The following NXPH1 variants were observed in gnomAD, a reference collection of about 807,000 sequenced individuals.
The protein encoded by NXPH1 is neurexophilin-1.
In NXPH1, 5 loss-of-function variants were observed where a neutral mutation model predicts 23.7. The observed-to-expected ratio is 0.21, with a 90% CI of 0.11 to 0.44. The LOEUF is 0.44. NXPH1 is among the 20% of genes least tolerant of loss of function. The pLI, the probability that NXPH1 is intolerant of heterozygous loss-of-function variation, is 0.99. For missense variants in NXPH1, 324 were observed against 321.6 expected (o/e 1.01, Z -0.06); for synonymous variants, 144 against 122.2 (o/e 1.18, Z -1.18).
chr7:8,620,298 C>T (rs1819838186), intron 2 of NXPH1, among the ~76,000 whole-genome samples: 2 of 152,254 alleles, frequency 1.3e-5, no homozygotes, highest in South Asian at 2.1e-4. Context: ...CTCTGATACT[C>T]ATATATATTT....
intron 2 of NXPH1, among the ~76,000 whole-genome samples, chr7:8,461,836 C>CAAAAAAAA (rs748848772): frequency 2.4e-5 from 1 of 41,760 alleles, no homozygotes; most frequent in African/African-American, 8.6e-5. Flanking sequence ...GACTCCGTCT[C>CAAAAAAAA]AAAAAAAAAA....
At chr7:8,693,232 C>A (rs1210825335) in intron 2 of NXPH1, among the ~76,000 whole-genome samples, 1 of 152,160 alleles carries the variant, frequency 6.6e-6, no homozygotes, top group African/African-American at 2.4e-5. Context: ...AAGCCCAGGT[C>A]AATATTTGGT....
chr7:8,731,133 C>A (rs562462074), intron 2 of NXPH1, among the ~76,000 whole-genome samples: 1 of 151,932 alleles, frequency 6.6e-6, no homozygotes, highest in Non-Finnish European at 1.5e-5. Context: ...TTGATCGCAT[C>A]GGCTCCTGAG....
chr7:8,653,925 A>G (rs1242796780), intron 2 of NXPH1, among the ~76,000 whole-genome samples: 1 of 152,198 alleles, frequency 6.6e-6, no homozygotes, highest in Non-Finnish European at 1.5e-5. Flanking sequence ...CGTTAGAAAA[A>G]TGTAGATTAA....
At chr7:8,559,971 C>G (rs376873516) in intron 2 of NXPH1, among the ~76,000 whole-genome samples, 1 of 151,528 alleles carries the variant, frequency 6.6e-6, no homozygotes, top group African/African-American at 2.4e-5. Context: ...ACCATGAAGT[C>G]GGGAGAGAAG....
chr7:8,670,578 C>T (rs1820853227), intron 2 of NXPH1, among the ~76,000 whole-genome samples: 1 of 152,178 alleles, frequency 6.6e-6, no homozygotes. Context: ...TCCATTTAAT[C>T]TCAATGAAAT....
intron 2 of NXPH1, among the ~76,000 whole-genome samples, chr7:8,518,231 T>G (rs1817718192): frequency 6.6e-6 from 1 of 152,124 alleles, no homozygotes; most frequent in African/African-American, 2.4e-5. Flanking sequence ...TAAGAACGAT[T>G]TGTTTACTTC....
intron 2 of NXPH1, among the ~76,000 whole-genome samples, chr7:8,689,106 C>A (rs566832133): frequency 3.3e-5 from 5 of 152,256 alleles, no homozygotes; most frequent in Admixed American, 6.5e-5. Context: ...TTGTGCCATT[C>A]ATTATCTAAT....
At chr7:8,743,912 C>T (rs1780423649) in intron 2 of NXPH1, among the ~76,000 whole-genome samples, 1 of 151,920 alleles carries the variant, frequency 6.6e-6, no homozygotes, top group Non-Finnish European at 1.5e-5. Flanking sequence ...TCTCTACCTC[C>T]CGACCTTGTG....
At chr7:8,520,324 C>G (rs1053314787) in intron 2 of NXPH1, among the ~76,000 whole-genome samples, 1 of 152,166 alleles carries the variant, frequency 6.6e-6, no homozygotes, top group African/African-American at 2.4e-5. Flanking sequence ...GGAAAAGCAG[C>G]AGCATTTGTT....
chr7:8,695,088 A>G (rs11973706), intron 2 of NXPH1, among the ~76,000 whole-genome samples: 12,031 of 152,304 alleles, frequency 0.079, 717 homozygotes, highest in East Asian at 0.18. Flanking sequence ...AAAACATGAA[A>G]TATTCATTGC....
chr7:8,672,262 A>G (rs1158499011), intron 2 of NXPH1, among the ~76,000 whole-genome samples: 3 of 152,004 alleles, frequency 2.0e-5, no homozygotes, highest in African/African-American at 4.8e-5. Context: ...TCACTCATAG[A>G]TGGGAATTGA....
intron 2 of NXPH1, among the ~76,000 whole-genome samples, chr7:8,716,168 A>G (rs189102938): frequency 2.6e-5 from 4 of 152,288 alleles, no homozygotes; most frequent in African/African-American, 9.6e-5. Flanking sequence ...TTATGGCAGT[A>G]AAGGAATGTG....
chr7:8,665,918 C>CTTTTT (rs869056537), intron 2 of NXPH1, among the ~76,000 whole-genome samples: 1 of 27,670 alleles, frequency 3.6e-5, no homozygotes, highest in African/African-American at 7.4e-5. Flanking sequence ...TTTTCTTTTT[C>CTTTTT]TTTTTTTTTT....
At chr7:8,451,110 CT>C (rs5882168) in intron 2 of NXPH1, among the ~76,000 whole-genome samples, 144 of 139,412 alleles carry the variant, frequency 1.0e-3, no homozygotes, top group South Asian at 3.0e-3. Flanking sequence ...AGGGATCTAG[CT>C]TTTTTTTTTT....
intron 2 of NXPH1, among the ~76,000 whole-genome samples, chr7:8,738,309 G>C (rs571748987): frequency 7.2e-4 from 110 of 152,314 alleles, no homozygotes; most frequent in African/African-American, 2.3e-3. Context: ...TGGGGTTTCT[G>C]TGTGGATGTC....
At chr7:8,489,861 T>G (rs1817220187) in intron 2 of NXPH1, among the ~76,000 whole-genome samples, 2 of 152,114 alleles carry the variant, frequency 1.3e-5, no homozygotes, top group African/African-American at 4.8e-5. Flanking sequence ...AGAATTTCTC[T>G]GCATCTCAAT....
chr7:8,706,596 C>T (rs182342851), intron 2 of NXPH1, among the ~76,000 whole-genome samples: 1 of 152,286 alleles, frequency 6.6e-6, no homozygotes, highest in African/African-American at 2.4e-5. Flanking sequence ...AAGACCCATC[C>T]TCTGGTTGTC....
At position 8,434,774 on chromosome 7, in the gene NXPH1, C is replaced by T. The variant is rs920165026; in HGVS notation, c.-111+19C>T. ...CTGTGCGGTACGTACCCTTTGCCTC[C>T]GCTGTTCCCGGAGGGTACACCTGGG... On this transcript the variant is annotated intron_variant, in intron 1 of 2. Coordinates refer to ENST00000405863, the MANE Select transcript of NXPH1 (RefSeq NM_152745.3). The surrounding 1 kb of genome is among the most constrained non-coding windows in gnomAD (Gnocchi z 7.6). The T allele has an allele frequency of 6.6e-6, 1 of 152,632 alleles. No homozygotes were observed. Among genetic ancestry groups the T allele is most frequent in the African/African-American group, 2.4e-5 (1 of 41,430 alleles). 9.5% of individuals were successfully genotyped at this position (152,632 alleles called of 1,614,324 possible).
Sources: allele counts gnomAD v4.1 joint callset (sites outside exome capture counted in the v4.1 genomes callset), GRCh38; gene constraint gnomAD v4.1.1; non-coding constraint Gnocchi (gnomAD v3.1); transcripts MANE v1.5; gene names NCBI Gene and HGNC (gene_info 2026-07-23, HGNC 2026-07-21).